Variants in SMG6 observed in about 807,000 individuals in gnomAD.
SMG6 encodes SMG6 nonsense mediated mRNA decay factor.
SMG6 carries 66 observed loss-of-function variants against 142.2 expected under a neutral mutation model. The ratio of observed to expected loss-of-function variants is 0.46; its 90% CI spans 0.38 to 0.57. The LOEUF is 0.57. Ranked by LOEUF, SMG6 falls within the 20% of genes least tolerant of loss-of-function variation. SMG6 has a pLI of 0.00. For synonymous variants in SMG6, 779 were observed against 702.4 expected, an observed-to-expected ratio of 1.11 and a Z score of -1.72; for missense variants, 1,793 against 1,832.0, an observed-to-expected ratio of 0.98 and a Z score of 0.39.
At chr17:2,201,182 C>A (rs2072509636) in intron 10 of SMG6, among the ~76,000 whole-genome samples, 1 of 152,096 alleles carries the variant, frequency 6.6e-6, no homozygotes, top group African/African-American at 2.4e-5. Flanking sequence ...TCTTTCAACT[C>A]AGCAAAATAA....
intron 8 of SMG6, chr17:2,256,207 G>GGA: frequency 7.1e-6 from 1 of 141,150 alleles, no homozygotes; most frequent in African/African-American, 2.6e-5. Context: ...TAAATAAGAA[G>GGA]AAAAAAAAAA....
intron 9 of SMG6, among the ~76,000 whole-genome samples, chr17:2,239,596 A>G (rs951781376): frequency 6.6e-6 from 1 of 152,214 alleles, no homozygotes; most frequent in African/African-American, 2.4e-5. Context: ...ATGTAGGAAA[A>G]AAATTGAAAA....
In SMG6 at chr17:2,249,115, A is replaced by C. The variant is rs187421221; in HGVS notation, c.2662-4396T>G. On this transcript the variant is annotated intron_variant, in intron 8 of 18. Transcript: ENST00000263073. Reference sequence around the variant, plus strand: ...TCACCGTGTTAGCCAGGATGGTCTCAATCTCCTGACCTTGTGATCCGCCCG... The same window carrying C: ...TCACCGTGTTAGCCAGGATGGTCTCCATCTCCTGACCTTGTGATCCGCCCG... Among the ~76,000 whole-genome samples the C allele has an allele frequency of 3.2e-4, 48 of 151,126 alleles. 1 individual carries two copies. The highest frequency in any genetic ancestry group is 2.2e-3 in the Admixed American group (33 of 15,176).
At position 2,172,701 on chromosome 17, in the gene SMG6, G is replaced by A; in HGVS notation, c.3314C>T (p.Ala1105Val). ...RLLSGFVPLL[A>V]APQDPCYVEK... Reference sequence around the variant, plus strand: ...CACGTAGCAGGGGTCCTGAGGGGCAGCCAGCAAGGGGACAAAGCCCGAGAG... The same window carrying A: ...CACGTAGCAGGGGTCCTGAGGGGCAACCAGCAAGGGGACAAAGCCCGAGAG... The change falls in exon 13 of 19, where the codon GCT (alanine) becomes GTT (valine). Residue 1105 changes from alanine to valine, a missense_variant. By Grantham distance (64) the Ala-to-Val change is moderately conservative (BLOSUM62 0). Around this residue, in one of 3 missense-constraint regions of SMG6, gnomAD observed 1,597 missense variants for 1,584.6 expected, o/e 1.01. Transcript: ENST00000263073. 1 of 1,613,982 alleles carries A rather than the reference G, an allele frequency of 6.2e-7. No homozygotes were observed. Among genetic ancestry groups the A allele is most frequent in the Non-Finnish European group, 8.5e-7 (1 of 1,180,012 alleles).
chr17:2,242,225 T>C (rs1193941908), intron 9 of SMG6, among the ~76,000 whole-genome samples: 1 of 151,842 alleles, frequency 6.6e-6, no homozygotes, highest in African/African-American at 2.4e-5. Flanking sequence ...GAATAAAAGA[T>C]AAATAGGCCG....
intron 6 of SMG6, among the ~76,000 whole-genome samples, chr17:2,284,026 G>A (rs1323633313): frequency 6.7e-6 from 1 of 149,960 alleles, no homozygotes; most frequent in East Asian, 1.9e-4. Context: ...ATTACATCTT[G>A]TTCTTAGAAA....
chr17:2,131,486 G>C (rs939798907), intron 13 of SMG6, among the ~76,000 whole-genome samples: 2 of 152,038 alleles, frequency 1.3e-5, no homozygotes, highest in Non-Finnish European at 2.9e-5. Flanking sequence ...TTTTAGTAGA[G>C]ACTGGGTTTC....
intron 10 of SMG6, chr17:2,215,448 GAC>G (rs1219930596): frequency 3.3e-5 from 5 of 152,128 alleles, no homozygotes; most frequent in Non-Finnish European, 7.4e-5. Flanking sequence ...GAGGAAACGA[GAC>G]AGACATGAAA....
intron 15 of SMG6, among the ~76,000 whole-genome samples, chr17:2,070,113 C>A (rs1048406716): frequency 1.3e-5 from 2 of 152,218 alleles, no homozygotes; most frequent in Non-Finnish European, 2.9e-5. Context: ...CAGCGCTTGC[C>A]TTCCCTGTGG....
intron 12 of SMG6, among the ~76,000 whole-genome samples, chr17:2,177,000 C>T (rs2071671877): frequency 6.6e-6 from 1 of 152,176 alleles, no homozygotes; most frequent in South Asian, 2.1e-4. Flanking sequence ...CAGGCCAGCC[C>T]AGGTGACTGG....
intron 13 of SMG6, among the ~76,000 whole-genome samples, chr17:2,170,630 C>T (rs1048942284): frequency 3.3e-5 from 5 of 152,188 alleles, no homozygotes; most frequent in East Asian, 1.9e-4. Flanking sequence ...TTTCACTCTA[C>T]GTTTTTGTTG....
intron 11 of SMG6, among the ~76,000 whole-genome samples, chr17:2,187,825 T>C (rs2072038591): frequency 6.6e-6 from 1 of 151,694 alleles, no homozygotes; most frequent in South Asian, 2.1e-4. Flanking sequence ...TCTCATTAAG[T>C]CACTAATATT....
chr17:2,291,290 C>T, intron 6 of SMG6, among the ~76,000 whole-genome samples: 1 of 151,486 alleles, frequency 6.6e-6, no homozygotes, highest in East Asian at 1.9e-4. Flanking sequence ...GAGATCGCGC[C>T]ACTGCACTCC....
chr17:2,172,018 C>G (rs74979640), intron 13 of SMG6, among the ~76,000 whole-genome samples: 1 of 152,214 alleles, frequency 6.6e-6, no homozygotes, highest in East Asian at 1.9e-4. Flanking sequence ...TGGCTGAAAA[C>G]CCAACTGATA....
intron 11 of SMG6, among the ~76,000 whole-genome samples, chr17:2,188,184 A>G (rs1330851711): frequency 6.6e-6 from 1 of 152,210 alleles, no homozygotes; most frequent in Non-Finnish European, 1.5e-5. Flanking sequence ...GAGAGAGGAA[A>G]GGGTTCTACA....
At chr17:2,270,427 C>T (rs1443627185) in intron 8 of SMG6, among the ~76,000 whole-genome samples, 1 of 151,870 alleles carries the variant, frequency 6.6e-6, no homozygotes, top group Non-Finnish European at 1.5e-5. Flanking sequence ...AGCAACACAG[C>T]GAGACCCTTC....
chr17:2,115,104 G>C (rs1018381928), intron 13 of SMG6, among the ~76,000 whole-genome samples: 51 of 152,190 alleles, frequency 3.4e-4, no homozygotes, highest in African/African-American at 1.1e-3. Flanking sequence ...TGGGTGGCCA[G>C]ATGAGGCAGA....
chr17:2,131,473 T>C (rs1252107627), intron 13 of SMG6, among the ~76,000 whole-genome samples: 1 of 152,126 alleles, frequency 6.6e-6, no homozygotes, highest in Non-Finnish European at 1.5e-5. Flanking sequence ...ACTTTTTTTG[T>C]ATTTTTAGTA....
chr17:2,163,935 GCTTGTAGT>G (rs1479833387), intron 13 of SMG6, among the ~76,000 whole-genome samples: 8 of 151,870 alleles, frequency 5.3e-5, no homozygotes, highest in Non-Finnish European at 7.4e-5. Flanking sequence ...GGTGGCAGGT[GCTTGTAGT>G]CCCAGCTACT....
Sources: allele counts gnomAD v4.1 joint callset (sites outside exome capture counted in the v4.1 genomes callset), GRCh38; gene constraint gnomAD v4.1.1; regional missense constraint gnomAD v4.1.1; transcripts MANE v1.5; gene names NCBI Gene and HGNC (gene_info 2026-07-23, HGNC 2026-07-21).